XKR6: variants seen among roughly 807,000 people sequenced by gnomAD.
The protein encoded by XKR6 is XK-related protein 6.
XKR6 carries 22 observed loss-of-function variants against 56.7 expected under a neutral mutation model. The ratio of observed to expected loss-of-function variants is 0.39; its 90% CI spans 0.28 to 0.55. XKR6 has a LOEUF of 0.55. Among genes scored for constraint, XKR6 ranks in the 20% least tolerant of loss-of-function variants. The pLI is 0.66. For missense variants in XKR6, 852 were observed against 889.0 expected (o/e 0.96, Z 0.53); for synonymous variants, 524 against 387.8 (o/e 1.35, Z -4.13).
intron 1 of XKR6, among the ~76,000 whole-genome samples, chr8:11,017,926 G>A (rs1472056219): frequency 1.3e-5 from 2 of 152,294 alleles, no homozygotes; most frequent in East Asian, 1.9e-4. Flanking sequence ...GCTGAGGCCA[G>A]GTTGAGAGGG....
intron 1 of XKR6, among the ~76,000 whole-genome samples, chr8:10,965,358 G>C (rs1292234776): frequency 6.6e-6 from 1 of 152,284 alleles, no homozygotes; most frequent in Non-Finnish European, 1.5e-5. Flanking sequence ...CGAGCACCAC[G>C]GTCCCCCAGG....
chr8:11,131,503 A>G (rs1224100123), intron 1 of XKR6, among the ~76,000 whole-genome samples: 1 of 152,182 alleles, frequency 6.6e-6, no homozygotes, highest in African/African-American at 2.4e-5. Context: ...CTAACGTTTT[A>G]AAAAATATTT....
chr8:11,157,488 AT>A (rs1801578289), intron 1 of XKR6, among the ~76,000 whole-genome samples: 1 of 47,676 alleles, frequency 2.1e-5, no homozygotes, highest in African/African-American at 1.1e-4. Flanking sequence ...AATAAAAGGT[AT>A]GTATGTATGT....
chr8:11,008,159 T>A (rs952384603), intron 1 of XKR6, among the ~76,000 whole-genome samples: 1 of 152,226 alleles, frequency 6.6e-6, no homozygotes, highest in Non-Finnish European at 1.5e-5. Flanking sequence ...CCTGCTCAAA[T>A]ACCCTCGGTG....
intron 1 of XKR6, among the ~76,000 whole-genome samples, chr8:11,090,779 C>T (rs573356352): frequency 6.6e-6 from 1 of 152,082 alleles, no homozygotes; most frequent in East Asian, 1.9e-4. Flanking sequence ...TTCTGAACAC[C>T]AATCTTTTGT....
At chr8:11,157,661 G>C (rs1220778719) in intron 1 of XKR6, among the ~76,000 whole-genome samples, 1 of 152,076 alleles carries the variant, frequency 6.6e-6, no homozygotes, top group Non-Finnish European at 1.5e-5. Flanking sequence ...GGCTATAGGT[G>C]CATGCCACCA....
chr8:11,028,685 G>C (rs1695083359), intron 1 of XKR6, among the ~76,000 whole-genome samples: 1 of 152,176 alleles, frequency 6.6e-6, no homozygotes. Flanking sequence ...GCACTTGGTG[G>C]ATGTACCTTT....
intron 1 of XKR6, among the ~76,000 whole-genome samples, chr8:11,003,790 C>G (rs986362541): frequency 6.6e-6 from 1 of 152,162 alleles, no homozygotes; most frequent in African/African-American, 2.4e-5. Flanking sequence ...ATAATAAATG[C>G]TCTAACAGGC....
At chr8:11,195,747 G>C (rs1344812106) in intron 1 of XKR6, among the ~76,000 whole-genome samples, 4 of 150,772 alleles carry the variant, frequency 2.7e-5, no homozygotes, top group South Asian at 2.1e-4. Flanking sequence ...CTCCCGGGTT[G>C]ACGCCATTCT....
At chr8:11,122,850 G>C (rs921014763) in intron 1 of XKR6, among the ~76,000 whole-genome samples, 1 of 152,086 alleles carries the variant, frequency 6.6e-6, no homozygotes, top group Non-Finnish European at 1.5e-5. Flanking sequence ...TTTTCCAGGG[G>C]AAAACTAGAC....
chr8:11,093,005 GC>G (rs1798128222), intron 1 of XKR6, among the ~76,000 whole-genome samples: 1 of 151,914 alleles, frequency 6.6e-6, no homozygotes. Flanking sequence ...CAGCTTGCTT[GC>G]TTTTCTTTCT....
intron 1 of XKR6, among the ~76,000 whole-genome samples, chr8:11,006,817 T>G (rs907784808): frequency 4.6e-5 from 7 of 152,326 alleles, no homozygotes; most frequent in Non-Finnish European, 8.8e-5. Context: ...CCGCTGCAGG[T>G]TACCCTACCA....
intron 1 of XKR6, among the ~76,000 whole-genome samples, chr8:11,058,982 C>A (rs969886553): frequency 1.6e-4 from 24 of 152,252 alleles, no homozygotes; most frequent in Non-Finnish European, 2.8e-4. Context: ...GGATTATCCC[C>A]GCTTTACAGA....
intron 1 of XKR6, among the ~76,000 whole-genome samples, chr8:11,003,632 AT>A: frequency 6.6e-6 from 1 of 152,174 alleles, no homozygotes; most frequent in East Asian, 1.9e-4. Context: ...CATTTTACAA[AT>A]GCAAAGTGAG....
chr8:11,154,096 G>C (rs911777456), intron 1 of XKR6, among the ~76,000 whole-genome samples: 2 of 152,184 alleles, frequency 1.3e-5, no homozygotes, highest in African/African-American at 4.8e-5. Context: ...GAGGTAATCT[G>C]TGTCATAACT....
chr8:11,048,579 G>C (rs1476765374), intron 1 of XKR6, among the ~76,000 whole-genome samples: 4 of 152,322 alleles, frequency 2.6e-5, no homozygotes, highest in Admixed American at 2.6e-4. Context: ...ACCTGGAGAT[G>C]TGTATTTTTA....
chr8:11,129,146 G>A, intron 1 of XKR6: 1 of 359,758 alleles, frequency 2.8e-6, no homozygotes, highest in South Asian at 2.1e-5. Context: ...AGTTTCTTTT[G>A]GAGTGATGAA....
At chr8:10,984,246 T>C (rs929801751) in intron 1 of XKR6, among the ~76,000 whole-genome samples, 1 of 152,210 alleles carries the variant, frequency 6.6e-6, no homozygotes, top group Non-Finnish European at 1.5e-5. Flanking sequence ...AAGCATTTTC[T>C]AAAATTCAAC....
At chr8:10,968,268 C>A (rs1802291343) in intron 1 of XKR6, among the ~76,000 whole-genome samples, 1 of 152,250 alleles carries the variant, frequency 6.6e-6, no homozygotes, top group African/African-American at 2.4e-5. Flanking sequence ...CTCTCTCTAC[C>A]AAAGAGAAAA....
Sources: gnomAD v4.1 joint callset for allele counts (sites outside exome capture counted in the v4.1 genomes callset) on GRCh38, gnomAD v4.1.1 for gene constraint, MANE v1.5 for transcripts, NCBI Gene and HGNC (gene_info 2026-07-23, HGNC 2026-07-21) for gene names.